The following ATP2B4 variants were observed in gnomAD, a reference collection of about 807,000 sequenced individuals.
The protein encoded by ATP2B4 is ATPase plasma membrane Ca2+ transporting 4, also known as plasma membrane calcium-transporting ATPase 4.
A neutral mutation model predicts 110.3 loss-of-function variants in ATP2B4; 39 were observed. The ratio of observed to expected loss-of-function variants is 0.35; its 90% CI spans 0.27 to 0.46. The LOEUF (loss-of-function observed/expected upper bound fraction) is 0.46, where lower values mean the gene tolerates loss of function less well. Among genes scored for constraint, ATP2B4 ranks in the 20% least tolerant of loss-of-function variants. ATP2B4 has a pLI of 1.00. For synonymous variants in ATP2B4, 538 were observed against 571.7 expected, an observed-to-expected ratio of 0.94 and a Z score of 0.84; for missense variants, 1,135 against 1,530.9, an observed-to-expected ratio of 0.74 and a Z score of 4.32.
At chr1:203,679,709 C>G (rs1380472065) in intron 1 of ATP2B4, among the ~76,000 whole-genome samples, 1 of 152,172 alleles carries the variant, frequency 6.6e-6, no homozygotes, top group Non-Finnish European at 1.5e-5. Context: ...ATGGTGAAAT[C>G]CCATCTCTAC....
intron 1 of ATP2B4, among the ~76,000 whole-genome samples, chr1:203,680,040 G>GACA (rs950793966): frequency 7.3e-6 from 1 of 137,420 alleles, no homozygotes; most frequent in Non-Finnish European, 1.6e-5. Flanking sequence ...CGGCCTGGGT[G>GACA]ACAGAGTGAG....
intron 12 of ATP2B4, 125 bp from the exon 13 acceptor site, chr1:203,711,835 A>T: frequency 9.2e-6 from 10 of 1,085,372 alleles, no homozygotes; most frequent in Non-Finnish European, 1.3e-5. Context: ...GACCTAGCCC[A>T]TGCTGCATGG....
intron 19 of ATP2B4, among the ~76,000 whole-genome samples, chr1:203,726,071 CAAAAA>C (rs58722256): frequency 0.013 from 1,213 of 93,220 alleles, 19 homozygotes; most frequent in African/African-American, 0.045. Context: ...ACTAAAAATA[CAAAAA>C]AAAAAAAAAA....
chr1:203,644,866 C>G (rs16851985), intron 1 of ATP2B4, among the ~76,000 whole-genome samples: 5,890 of 152,268 alleles, frequency 0.039, 221 homozygotes, highest in East Asian at 0.18. Context: ...CAAACTCATG[C>G]TGGGAGCTTG....
chr1:203,699,311 C>T (rs566411910), intron 3 of ATP2B4, 149 bp from the exon 4 acceptor site: 7 of 1,070,626 alleles, frequency 6.5e-6, no homozygotes, highest in Non-Finnish European at 9.3e-6. Flanking sequence ...TCCTGCTATC[C>T]TCTGATATCC....
Position 203,724,865 on chromosome 1 carries a change from C to CTCTTTTTTTTTTTTT in ATP2B4, c.3132+878_3132+879insCTTTTTTTTTTTTTT, listed in dbSNP as rs1214526316. ...ACTGCCTGGGTTTGAATCCAGCTCT[C>CTCTTTTTTTTTTTTT]TGTTTTTTTTTTTTTTTTTTTTTTT... On this transcript the variant is annotated intron_variant, in intron 19 of 20. Transcript: ENST00000357681. 6.9e-5 allele frequency among the ~76,000 whole-genome samples: 7 copies of CTCTTTTTTTTTTTTT among 101,454 alleles called. 1 individual carries two copies. The highest frequency in any genetic ancestry group is 6.9e-4 in the South Asian group (2 of 2,894). The allele number at this position is 101,454 out of a possible 152,430, so 66.6% of individuals were successfully genotyped here.
At chr1:203,643,972 G>A (rs77094150) in intron 1 of ATP2B4, among the ~76,000 whole-genome samples, 6,073 of 152,250 alleles carry the variant, frequency 0.04, 183 homozygotes, top group Non-Finnish European at 0.062. Flanking sequence ...TAGATGGGCC[G>A]GGTGTGGTGG....
Position 203,721,269 on chromosome 1 carries a change from G to C in ATP2B4, c.2671G>C (p.Ala891Pro). Residue 891 changes from alanine to proline, a missense_variant, in exon 17 of 21, where the codon GCC (alanine) becomes CCC (proline). Around this residue, in one of 9 missense-constraint regions of ATP2B4, gnomAD observed 70 missense variants for 142.4 expected, o/e 0.49. Transcript: ENST00000357681. ...IMDTFASLAL[A>P]TEPPTESLLK... ...GGACACTTTTGCTTCATTGGCCCTG[G>C]CCACAGAGCCCCCTACGGAATCTCT... 1 of 1,614,222 alleles carries C rather than the reference G, an allele frequency of 6.2e-7. No homozygotes were observed. The highest frequency in any genetic ancestry group is 1.1e-5 in the South Asian group (1 of 91,092).
At chr1:203,698,096 C>A in intron 2 of ATP2B4, 61 bp from the exon 3 acceptor site, 1 of 1,507,330 alleles carries the variant, frequency 6.6e-7, no homozygotes, top group Non-Finnish European at 9.2e-7. Flanking sequence ...CACTTCAAAA[C>A]TGCCTTTTAT....
At chr1:203,719,884 G>A (rs940870654) in intron 15 of ATP2B4, among the ~76,000 whole-genome samples, 2 of 151,800 alleles carry the variant, frequency 1.3e-5, no homozygotes, top group African/African-American at 2.4e-5. Flanking sequence ...AAAGCTGGGC[G>A]ATATAGAGAG....
At chr1:203,684,002 C>T (rs1665100495) in intron 2 of ATP2B4, among the ~76,000 whole-genome samples, 3 of 152,024 alleles carry the variant, frequency 2.0e-5, no homozygotes, top group African/African-American at 7.2e-5. Context: ...TTTTCTGTAT[C>T]AGTGTCCAGA....
chr1:203,715,854 C>T (rs554119350), intron 15 of ATP2B4, among the ~76,000 whole-genome samples: 10 of 144,448 alleles, frequency 6.9e-5, no homozygotes, highest in Admixed American at 4.8e-4. Flanking sequence ...TCTTGGAGTG[C>T]GCCTCCTTCC....
chr1:203,722,802 G>T, intron 18 of ATP2B4, 113 bp downstream of exon 18: 6 of 1,003,026 alleles, frequency 6.0e-6, no homozygotes, highest in Non-Finnish European at 8.7e-6. Flanking sequence ...ACGGGGACTG[G>T]AGCTGTAAGT....
intron 1 of ATP2B4, among the ~76,000 whole-genome samples, chr1:203,659,360 A>G (rs1664263271): frequency 6.6e-6 from 1 of 152,236 alleles, no homozygotes; most frequent in Admixed American, 6.5e-5. Flanking sequence ...ACAAGCCCAA[A>G]GCAGGTATTT....
At chr1:203,726,197 G>A (rs1666511058) in intron 19 of ATP2B4, among the ~76,000 whole-genome samples, 1 of 151,906 alleles carries the variant, frequency 6.6e-6, no homozygotes, top group Non-Finnish European at 1.5e-5. Context: ...TCACGGCACT[G>A]CACTCCAGCC....
At position 203,741,791 on chromosome 1, in the gene ATP2B4, C is replaced by CT. The variant is rs3839004; in HGVS notation, c.*1943dup. On this transcript the variant is annotated 3_prime_UTR_variant, in exon 21 of 21. Transcript: ENST00000357681. ...GTAAAACGTACATGCTTCAATAATT[C>CT]TTTTTTGTGTCTTAAATACTCATAG... is the stretch of plus-strand genomic sequence containing the variant. 38,744 of 152,590 alleles carry CT rather than the reference C, an allele frequency of 0.25. 5,508 individuals are homozygous for CT. The highest frequency in any genetic ancestry group is 0.43 in the Admixed American group (6,567 of 15,286). 9.5% of individuals were successfully genotyped at this position (152,590 alleles called of 1,614,324 possible).
chr1:203,721,306 G>A lies in ATP2B4; in HGVS notation c.2708G>A (p.Arg903His), dbSNP rs748398150. 24 of 1,614,166 alleles carry A rather than the reference G, an allele frequency of 1.5e-5. No individual in the cohort carries two copies. Among genetic ancestry groups the A allele is most frequent in the Non-Finnish European group, 1.8e-5 (21 of 1,180,026 alleles). The change falls in exon 17 of 21, where the codon CGC (arginine) becomes CAC (histidine). Residue 903 changes from arginine to histidine, a missense_variant. Arg to His is a conservative substitution (Grantham distance 29). Transcript: ENST00000357681. ...EPPTESLLKR[R>H]PYGRNKPLIS... ...CCTACGGAATCTCTGTTGAAGCGGCGCCCCTATGGCCGAAATAAGCCTCTG... is the reference window on the plus strand; with the variant it reads ...CCTACGGAATCTCTGTTGAAGCGGCACCCCTATGGCCGAAATAAGCCTCTG...
intron 1 of ATP2B4, among the ~76,000 whole-genome samples, chr1:203,674,637 CTTTTTTTTTTTTTTTTT>C (rs57153257): frequency 1.1e-4 from 5 of 46,226 alleles, no homozygotes; most frequent in African/African-American, 1.7e-4. Context: ...CCACACCTGG[CTTTTTTTTTTTTTTTTT>C]TTTTTTTTTT....
intron 2 of ATP2B4, among the ~76,000 whole-genome samples, chr1:203,689,745 A>T (rs1665308403): frequency 1.3e-5 from 2 of 152,370 alleles, no homozygotes; most frequent in South Asian, 4.1e-4. Context: ...TAGAGCTTAC[A>T]GGCTAAAAGA....
Sources: gnomAD v4.1 joint callset for allele counts (sites outside exome capture counted in the v4.1 genomes callset) on GRCh38, gnomAD v4.1.1 for gene constraint, gnomAD v4.1.1 regional missense constraint, MANE v1.5 for transcripts, NCBI Gene and HGNC (gene_info 2026-07-23, HGNC 2026-07-21) for gene names.